Variants in SETD4 observed in about 807,000 individuals in gnomAD.
SETD4 encodes the protein SET domain containing 4.
Under a neutral mutation model 58.3 loss-of-function variants are expected in SETD4, and 46 were observed. The observed-to-expected ratio is 0.79, with a 90% CI of 0.62 to 1.01. The LOEUF (loss-of-function observed/expected upper bound fraction) is 1.01. Ranked by LOEUF, SETD4 falls within the 50% of genes least tolerant of loss-of-function variation. The pLI is 0.00. For missense variants in SETD4, 490 were observed against 523.3 expected, an observed-to-expected ratio of 0.94 and a Z score of 0.62; for synonymous variants, 190 against 202.6, an observed-to-expected ratio of 0.94 and a Z score of 0.53.
At chr21:36,057,231 T>C (rs565956127) in intron 2 of SETD4, 27 bp from the exon 3 acceptor site, 1 of 1,515,360 alleles carries the variant, frequency 6.6e-7, no homozygotes, top group East Asian at 2.3e-5. Context: ...GAACAAATGG[T>C]GATTAAAACC....
intron 3 of SETD4, among the ~76,000 whole-genome samples, chr21:36,056,070 T>C (rs1255640915): frequency 6.6e-6 from 1 of 152,184 alleles, no homozygotes. Context: ...ATATGGTTCA[T>C]GACCATCAAC....
At chr21:36,036,723 A>G (rs1040188846) in intron 10 of SETD4, 1 of 737,758 alleles carries the variant, frequency 1.4e-6, no homozygotes. Flanking sequence ...GAAGTCACAC[A>G]GTAACTTTTA....
At chr21:36,039,043 C>T (rs1427328764) in intron 9 of SETD4, among the ~76,000 whole-genome samples, 5 of 151,668 alleles carry the variant, frequency 3.3e-5, no homozygotes, top group Admixed American at 3.3e-4. Context: ...AAACAGGAGC[C>T]CATTAGATTC....
intron 7 of SETD4, 71 bp downstream of exon 7, chr21:36,043,711 T>G: frequency 6.3e-7 from 1 of 1,581,576 alleles, no homozygotes; most frequent in Non-Finnish European, 8.6e-7. Flanking sequence ...TTATTAAAAC[T>G]GAAAATACAC....
Position 36,058,905 on chromosome 21 carries a change from C to CT in SETD4, c.-18dup, listed in dbSNP as rs2065132186. 1.3e-6 allele frequency: 2 copies of CT among 1,573,246 alleles called. No individual in the cohort carries two copies. Among genetic ancestry groups the CT allele is most frequent in the East Asian group, 2.3e-5 (1 of 44,146 alleles). On this transcript the variant is annotated 5_prime_UTR_variant, in exon 2 of 12. Coordinates refer to ENST00000332131, the MANE Select transcript of SETD4 (RefSeq NM_017438.5). ...TTTCTGCATGCTAAAACTGTAGTTT[C>CT]TTTTTTCTGAAATACAGTTCTATTT...
rs2063738884 is a variant in SETD4 at position 36,035,151 on chromosome 21, T to C, written c.*842A>G. The C allele has an allele frequency of 6.6e-6, 1 of 152,272 alleles. No individual in the cohort carries two copies. The highest frequency in any genetic ancestry group is 2.4e-5 in the African/African-American group (1 of 41,440). The allele number at this position is 152,272 out of a possible 1,614,324, so 9.4% of individuals were successfully genotyped here. On this transcript the variant is annotated 3_prime_UTR_variant, in exon 12 of 12. Transcript: ENST00000332131. ...CTGAACAGGACCAGCAGCCCCTCCG[T>C]TACTTACGCAGGCAGTTCCAAGGCC...
Position 36,038,091 on chromosome 21 carries a change from A to G in SETD4, c.1188+59T>C, listed in dbSNP as rs2123509830. ...TGCACTATCCCTAATAACATGTACAAAACAAGGAACTGCTGAATCAAGACA... is the reference window on the plus strand; with the variant it reads ...TGCACTATCCCTAATAACATGTACAGAACAAGGAACTGCTGAATCAAGACA... On this transcript the variant is annotated intron_variant, in intron 10 of 11. Coordinates refer to ENST00000332131, the MANE Select transcript of SETD4 (RefSeq NM_017438.5). The G allele has an allele frequency of 1.9e-6, 3 of 1,568,750 alleles. No homozygotes were observed. In the East Asian group the frequency reaches 6.7e-5, roughly 35 times the overall value.
intron 9 of SETD4, among the ~76,000 whole-genome samples, chr21:36,038,994 G>A (rs1479078078): frequency 2.0e-5 from 3 of 152,072 alleles, no homozygotes. Flanking sequence ...GGAAGTGGAA[G>A]TGGCTTCGAA....
In SETD4 at chr21:36,045,945, C is replaced by A; in HGVS notation, c.363G>T (p.Gly121=). Residue 121 remains glycine (G), a synonymous_variant, in exon 6 of 12, where the codon GGG becomes GGT. Coordinates refer to ENST00000332131, the MANE Select transcript of SETD4 (RefSeq NM_017438.5). Reference sequence around the variant, plus strand: ...GGTAAGGCTTCCAAAGAGATCGGTGCCCAGCATGCTTTTCTGAAACTAAAA... The same window carrying A: ...GGTAAGGCTTCCAAAGAGATCGGTGACCAGCATGCTTTTCTGAAACTAAAA... ...CTFLVSEKHA[G]HRSLWKPYLE... is the part of the protein sequence containing the mutation. 1.2e-6 allele frequency: 2 copies of A among 1,614,186 alleles called. No homozygotes were observed. Among genetic ancestry groups the A allele is most frequent in the Non-Finnish European group, 1.7e-6 (2 of 1,180,024 alleles).
chr21:36,045,472 A>C, intron 6 of SETD4, 110 bp downstream of exon 6: 1 of 1,378,608 alleles, frequency 7.3e-7, no homozygotes, highest in East Asian at 2.3e-5. Context: ...GGTCACCTGA[A>C]GCCGCCGACA....
At chr21:36,049,571 A>T in intron 4 of SETD4, among the ~76,000 whole-genome samples, 1 of 152,144 alleles carries the variant, frequency 6.6e-6, no homozygotes, top group Non-Finnish European at 1.5e-5. Flanking sequence ...GAAAAAAAAA[A>T]TCTCAGCCAA....
chr21:36,047,447 T>C (rs2835253), intron 5 of SETD4, among the ~76,000 whole-genome samples: 63,907 of 151,686 alleles, frequency 0.42, 13,523 homozygotes, highest in Admixed American at 0.46. Flanking sequence ...TTCACAAAAT[T>C]AACAGCTCTT....
intron 3 of SETD4, among the ~76,000 whole-genome samples, chr21:36,056,256 C>G (rs2064975881): frequency 6.6e-6 from 1 of 152,182 alleles, no homozygotes. Context: ...GCTCAAAGTT[C>G]AATTACCTAA....
chr21:36,043,679 C>G lies in SETD4; in HGVS notation c.901+103G>C, dbSNP rs1406927337. The G allele has an allele frequency of 4.0e-6, 6 of 1,515,922 alleles. No homozygotes were observed. The East Asian group carries it at 1.2e-4, about 31-fold the overall frequency. 93.9% of individuals were successfully genotyped at this position (1,515,922 alleles called of 1,614,324 possible). On this transcript the variant is annotated intron_variant, in intron 7 of 11. Coordinates refer to ENST00000332131, the MANE Select transcript of SETD4 (RefSeq NM_017438.5). ...AGAAGAAAATTAGTGATATGTATGT[C>G]AGTCTTAAGGTTTTGATATTTTTAT... is the stretch of plus-strand genomic sequence containing the variant.
At chr21:36,050,745 T>C in intron 4 of SETD4, 1 of 1,612,588 alleles carries the variant, frequency 6.2e-7, no homozygotes, top group South Asian at 1.1e-5. Flanking sequence ...TAAGCACCAT[T>C]TGGCTGATCT....
chr21:36,049,697 T>G (rs1172428603), intron 4 of SETD4, among the ~76,000 whole-genome samples: 1 of 152,242 alleles, frequency 6.6e-6, no homozygotes, highest in East Asian at 1.9e-4. Flanking sequence ...TGAAAATATT[T>G]GGGTAAATCT....
At chr21:36,048,948 T>C (rs144252232) in intron 4 of SETD4, among the ~76,000 whole-genome samples, 133 of 152,152 alleles carry the variant, frequency 8.7e-4, no homozygotes, top group African/African-American at 3.1e-3. Flanking sequence ...TGCCAGGAAA[T>C]AGTGCTACCA....
Position 36,036,233 on chromosome 21 carries a change from C to CA in SETD4, c.1206dup (p.Glu403Ter). On this transcript the variant is annotated frameshift_variant, in exon 11 of 12. Transcript: ENST00000332131. LOFTEE classifies it high-confidence loss of function. ...AGTTGGTTTATCAGGGCCTCTTTTT[C>CA]ATCCTTCATATGAGACACCTGAAAG... The CA allele has an allele frequency of 6.2e-7, 1 of 1,609,134 alleles. No homozygotes were observed. The highest frequency in any genetic ancestry group is 8.5e-7 in the Non-Finnish European group (1 of 1,178,698).
At position 36,050,738 on chromosome 21, in the gene SETD4, G is replaced by T. The variant is rs187801797; in HGVS notation, c.208-2342C>A. The stretch of plus-strand genomic sequence containing the variant: ...AAGCTGTTTTCTTGGCTCGAGATAA[G>T]CACCATTTGGCTGATCTAAGCCATC... On this transcript the variant is annotated intron_variant, in intron 4 of 11. Transcript: ENST00000332131. The T allele has an allele frequency of 2.7e-4, 437 of 1,612,628 alleles. 1 individual carries two copies. In the East Asian group the frequency reaches 7.7e-3, roughly 28 times the overall value.
Sources: gnomAD v4.1 joint callset for allele counts (sites outside exome capture counted in the v4.1 genomes callset) on GRCh38, gnomAD v4.1.1 for gene constraint, MANE v1.5 for transcripts, NCBI Gene and HGNC (gene_info 2026-07-23, HGNC 2026-07-21) for gene names.